Variants in C6orf89 observed in about 807,000 individuals in gnomAD.
The protein encoded by C6orf89 is bombesin receptor-activated protein C6orf89.
A neutral mutation model predicts 40.7 loss-of-function variants in C6orf89; 29 were observed. The observed-to-expected ratio is 0.71, with a 90% CI of 0.53 to 0.97. C6orf89 has a LOEUF of 0.97. C6orf89 is among the 50% of genes least tolerant of loss of function. The pLI is 0.00. For synonymous variants in C6orf89, 165 were observed against 152.2 expected (o/e 1.08, Z -0.62); for missense variants, 392 against 429.1 (o/e 0.91, Z 0.76).
At chr6:36,877,832 T>A (rs1340900898) in intron 1 of C6orf89, among the ~76,000 whole-genome samples, 1 of 152,188 alleles carries the variant, frequency 6.6e-6, no homozygotes, top group Non-Finnish European at 1.5e-5. Context: ...TTAGATATCC[T>A]CTTTGTGATA....
At chr6:36,888,063 TTGTC>T (rs1583148071) in intron 1 of C6orf89, among the ~76,000 whole-genome samples, 1 of 152,162 alleles carries the variant, frequency 6.6e-6, no homozygotes, top group Non-Finnish European at 1.5e-5. Context: ...GGTATTTAAT[TTGTC>T]TGGCTATTGG....
At chr6:36,912,571 C>T (rs1762165351) in intron 4 of C6orf89, among the ~76,000 whole-genome samples, 1 of 152,180 alleles carries the variant, frequency 6.6e-6, no homozygotes, top group Admixed American at 6.5e-5. Context: ...TTTGCAGCCT[C>T]AGTGTGCCAC....
At chr6:36,903,860 T>A (rs182609795) in intron 4 of C6orf89, among the ~76,000 whole-genome samples, 1,947 of 152,106 alleles carry the variant, frequency 0.013, 20 homozygotes, top group Non-Finnish European at 0.015. Flanking sequence ...TGTTTTTTTT[T>A]AAAAAATCAA....
At chr6:36,877,177 T>C (rs900931415) in intron 1 of C6orf89, among the ~76,000 whole-genome samples, 1 of 152,244 alleles carries the variant, frequency 6.6e-6, no homozygotes, top group Non-Finnish European at 1.5e-5. Flanking sequence ...CATACCACAA[T>C]GTATAATGGT....
chr6:36,889,263 C>T (rs1030282960), intron 1 of C6orf89, among the ~76,000 whole-genome samples: 5 of 152,082 alleles, frequency 3.3e-5, no homozygotes, highest in Admixed American at 6.5e-5. Flanking sequence ...TCGAACTTGG[C>T]GTTTAGAAAG....
chr6:36,873,870 T>C (rs1307470602), intron 1 of C6orf89, among the ~76,000 whole-genome samples: 2 of 152,210 alleles, frequency 1.3e-5, no homozygotes, highest in Non-Finnish European at 2.9e-5. Context: ...TCACCTTGAA[T>C]GTCAGGATTA....
rs1761749593 is a variant in C6orf89 at position 36,902,206 on chromosome 6, T to C, written c.190-15T>C. 4 of 1,611,832 alleles carry C rather than the reference T, an allele frequency of 2.5e-6. No individual in the cohort carries two copies. The highest frequency in any genetic ancestry group is 3.4e-6 in the Non-Finnish European group (4 of 1,177,882). ...TGTTTGCTGGGATTAATGCCTTTTC[T>C]ATCTTTCCTTGTAGGTTCTCGCAAC... On this transcript the variant is annotated splice_polypyrimidine_tract_variant and intron_variant, in intron 3 of 8. Coordinates refer to ENST00000480824, the MANE Select transcript of C6orf89 (RefSeq NM_001286635.2).
chr6:36,878,081 A>G (rs570270521), intron 1 of C6orf89, among the ~76,000 whole-genome samples: 59 of 152,204 alleles, frequency 3.9e-4, no homozygotes, highest in Non-Finnish European at 7.3e-4. Context: ...CAATGCATCT[A>G]GAACTTATCT....
chr6:36,920,145 G>T (rs987644461), intron 8 of C6orf89, among the ~76,000 whole-genome samples: 8 of 152,094 alleles, frequency 5.3e-5, no homozygotes, highest in Admixed American at 4.6e-4. Context: ...TACCCATTTT[G>T]CAAATAAAAC....
In C6orf89 at chr6:36,918,227, G is replaced by A. The variant is rs1157146941; in HGVS notation, c.826-1351G>A. Among the ~76,000 whole-genome samples, 5 of 152,348 alleles carry A rather than the reference G, an allele frequency of 3.3e-5. No individual in the cohort carries two copies. The South Asian group carries it at 8.3e-4, about 25-fold the overall frequency. On this transcript the variant is annotated intron_variant, in intron 7 of 8. Coordinates refer to ENST00000480824, the MANE Select transcript of C6orf89 (RefSeq NM_001286635.2). Reference sequence around the variant, plus strand: ...CAAGGCCCACTTCACCCACTCCACGGTGTGGCCTAGGGCTGGCCTGTGCCA... The same window carrying A: ...CAAGGCCCACTTCACCCACTCCACGATGTGGCCTAGGGCTGGCCTGTGCCA...
intron 7 of C6orf89, among the ~76,000 whole-genome samples, chr6:36,918,035 C>T (rs987230276): frequency 3.3e-5 from 5 of 152,252 alleles, no homozygotes; most frequent in African/African-American, 9.6e-5. Context: ...CCCAAGCTCC[C>T]CTTTCCCCGC....
chr6:36,921,035 G>A (rs1274634294), intron 8 of C6orf89, among the ~76,000 whole-genome samples: 2 of 152,152 alleles, frequency 1.3e-5, no homozygotes, highest in Non-Finnish European at 2.9e-5. Flanking sequence ...TGCTGGTACA[G>A]ATAGTCCAGA....
intron 1 of C6orf89, among the ~76,000 whole-genome samples, chr6:36,873,483 T>C (rs1774563713): frequency 6.6e-6 from 1 of 152,376 alleles, no homozygotes; most frequent in Admixed American, 6.5e-5. Flanking sequence ...GAGAGGTTTA[T>C]ATGTACATAG....
intron 7 of C6orf89, 90 bp downstream of exon 7, chr6:36,916,664 C>A: frequency 6.6e-7 from 1 of 1,513,830 alleles, no homozygotes; most frequent in Non-Finnish European, 9.1e-7. Context: ...TGCATATTGG[C>A]TTAGAGGGTT....
intron 3 of C6orf89, among the ~76,000 whole-genome samples, chr6:36,900,482 C>G (rs1761633404): frequency 6.7e-6 from 1 of 150,252 alleles, no homozygotes; most frequent in South Asian, 2.1e-4. Context: ...GATTACAGGC[C>G]TAAGTCATCG....
At position 36,899,439 on chromosome 6, in the gene C6orf89, G is replaced by A. The variant is rs1488622794; in HGVS notation, c.-6G>A. The A allele has an allele frequency of 6.2e-7, 1 of 1,613,962 alleles. No individual in the cohort carries two copies. Among genetic ancestry groups the A allele is most frequent in the East Asian group, 2.2e-5 (1 of 44,884 alleles). ...CGTCTCTCTCAGGGATTTTATATTGGAAGACATGGATCTTGCTGCCAACGA... is the reference window on the plus strand; with the variant it reads ...CGTCTCTCTCAGGGATTTTATATTGAAAGACATGGATCTTGCTGCCAACGA... On this transcript the variant is annotated 5_prime_UTR_variant, in exon 3 of 9. Transcript: ENST00000480824.
intron 1 of C6orf89, among the ~76,000 whole-genome samples, chr6:36,873,421 A>T (rs1774559811): frequency 6.6e-6 from 1 of 152,218 alleles, no homozygotes; most frequent in Non-Finnish European, 1.5e-5. Flanking sequence ...TACAGAAAAA[A>T]CATACATACA....
rs1052679823 is a variant in C6orf89 at position 36,919,701 on chromosome 6, G to A, written c.949G>A (p.Gly317Ser). 4.4e-6 allele frequency: 7 copies of A among 1,608,556 alleles called. No homozygotes were observed. Among genetic ancestry groups the A allele is most frequent in the South Asian group, 2.2e-5 (2 of 90,506 alleles). Residue 317 changes from glycine to serine, a missense_variant and splice_region_variant, in exon 8 of 9, where the codon GGC (glycine) becomes AGC (serine). Transcript: ENST00000480824. ...CATGCCAATAGAGCCAGGGGATATC[G>A]GTATGTAGGGCCCCAGGAGGGCAGG... is the stretch of plus-strand genomic sequence containing the variant. ...VAMPIEPGDIGYVDTTHWKVY... is the reference protein window; with the variant it reads ...VAMPIEPGDISYVDTTHWKVY...
At chr6:36,902,678 C>G (rs964426303) in intron 4 of C6orf89, among the ~76,000 whole-genome samples, 1 of 152,168 alleles carries the variant, frequency 6.6e-6, no homozygotes, top group Admixed American at 6.5e-5. Flanking sequence ...ATACACACCC[C>G]CAAATTCCAG....
Sources: gnomAD v4.1 joint callset for allele counts (sites outside exome capture counted in the v4.1 genomes callset) on GRCh38, gnomAD v4.1.1 for gene constraint, MANE v1.5 for transcripts, NCBI Gene and HGNC (gene_info 2026-07-23, HGNC 2026-07-21) for gene names.